Variants in CCDC175 observed in about 807,000 individuals in gnomAD.
CCDC175 encodes the protein coiled-coil domain containing 175.
CCDC175 carries 100 observed loss-of-function variants against 114.6 expected under a neutral mutation model. The ratio of observed to expected loss-of-function variants is 0.87; its 90% CI spans 0.74 to 1.03. The LOEUF (loss-of-function observed/expected upper bound fraction) is 1.03, where lower values mean the gene tolerates loss of function less well. CCDC175 is among the 50% of genes least tolerant of loss of function. CCDC175 has a pLI of 0.00. For synonymous variants in CCDC175, 306 were observed against 308.7 expected, an observed-to-expected ratio of 0.99 and a Z score of 0.09; for missense variants, 880 against 917.8, an observed-to-expected ratio of 0.96 and a Z score of 0.53.
intron 16 of CCDC175, 24 bp from the exon 17 acceptor site, chr14:59,521,700 G>T (rs1470352825): frequency 1.6e-6 from 2 of 1,288,940 alleles, no homozygotes; most frequent in East Asian, 2.5e-5. Context: ...GCATGTGATT[G>T]CTTTTAGCAG....
chr14:59,525,226 C>T, intron 16 of CCDC175, 56 bp downstream of exon 16: 1 of 1,198,246 alleles, frequency 8.3e-7, no homozygotes, highest in Non-Finnish European at 1.1e-6. Context: ...ATAACTATTA[C>T]AGGTCTAGTC....
intron 17 of CCDC175, 118 bp downstream of exon 17, chr14:59,521,456 C>A (rs1018995765): frequency 8.3e-6 from 5 of 604,696 alleles, no homozygotes; most frequent in African/African-American, 7.6e-5. Flanking sequence ...TGGGACTTTA[C>A]CTTGTGATCA....
At chr14:59,521,132 CTG>C in intron 17 of CCDC175, among the ~76,000 whole-genome samples, 1 of 152,260 alleles carries the variant, frequency 6.6e-6, no homozygotes, top group South Asian at 2.1e-4. Context: ...ACATTTGAGT[CTG>C]TGGATTGGGA....
intron 11 of CCDC175, among the ~76,000 whole-genome samples, chr14:59,540,294 A>G (rs2140035008): frequency 6.6e-6 from 1 of 152,260 alleles, no homozygotes; most frequent in East Asian, 1.9e-4. Flanking sequence ...TCACAGAGCT[A>G]ATAAGGACAG....
At chr14:59,552,252 T>C (rs1311171404) in intron 7 of CCDC175, among the ~76,000 whole-genome samples, 2 of 152,134 alleles carry the variant, frequency 1.3e-5, no homozygotes, top group Non-Finnish European at 2.9e-5. Flanking sequence ...ACTGGCCGGG[T>C]ACACCTCTGA....
intron 16 of CCDC175, 41 bp from the exon 17 acceptor site, chr14:59,521,717 T>C: frequency 2.7e-6 from 3 of 1,098,766 alleles, no homozygotes; most frequent in Non-Finnish European, 4.0e-6. Context: ...GCAGTTTAGT[T>C]ACTATAGATA....
At chr14:59,555,350 C>T (rs1013698455) in intron 7 of CCDC175, among the ~76,000 whole-genome samples, 3 of 152,124 alleles carry the variant, frequency 2.0e-5, no homozygotes, top group Admixed American at 6.6e-5. Flanking sequence ...ATAAACAGAA[C>T]CAAAGCAAAA....
At chr14:59,509,730 G>C (rs533050122) in intron 19 of CCDC175, among the ~76,000 whole-genome samples, 1 of 152,138 alleles carries the variant, frequency 6.6e-6, no homozygotes, top group African/African-American at 2.4e-5. Flanking sequence ...GGCTGGTCTC[G>C]AACACTTGGT....
chr14:59,518,815 T>G (rs1273214014), intron 17 of CCDC175, among the ~76,000 whole-genome samples: 1 of 152,160 alleles, frequency 6.6e-6, no homozygotes, highest in Middle Eastern at 3.2e-3. Context: ...ATCCCATTAC[T>G]GGGTATATAC....
chr14:59,554,705 T>G (rs1170913765), intron 7 of CCDC175, among the ~76,000 whole-genome samples: 1 of 151,678 alleles, frequency 6.6e-6, no homozygotes, highest in Non-Finnish European at 1.5e-5. Flanking sequence ...TCAACAAAAT[T>G]GATAGACTGC....
At chr14:59,547,267 C>T (rs772847716) in intron 8 of CCDC175, among the ~76,000 whole-genome samples, 7 of 152,150 alleles carry the variant, frequency 4.6e-5, no homozygotes, top group Middle Eastern at 3.2e-3. Flanking sequence ...GCCATGTTAA[C>T]GGATTGGAAG....
chr14:59,553,212 G>C (rs1199780584), intron 7 of CCDC175, among the ~76,000 whole-genome samples: 1 of 152,204 alleles, frequency 6.6e-6, no homozygotes, highest in Non-Finnish European at 1.5e-5. Context: ...GGCAGCCAGA[G>C]AGAAAGGTTG....
intron 19 of CCDC175, among the ~76,000 whole-genome samples, chr14:59,509,032 T>A (rs550996785): frequency 1.3e-5 from 2 of 152,282 alleles, no homozygotes; most frequent in South Asian, 4.1e-4. Context: ...ACACTGCCAG[T>A]CTCTACTTGT....
intron 19 of CCDC175, among the ~76,000 whole-genome samples, chr14:59,509,695 A>T (rs1401823458): frequency 1.3e-5 from 2 of 152,102 alleles, no homozygotes; most frequent in East Asian, 3.9e-4. Context: ...ATTTTTGTAG[A>T]GACAGGGTCT....
At chr14:59,509,700 G>A (rs866523266) in intron 19 of CCDC175, among the ~76,000 whole-genome samples, 6 of 152,062 alleles carry the variant, frequency 3.9e-5, no homozygotes, top group African/African-American at 9.7e-5. Context: ...TGTAGAGACA[G>A]GGTCTCATTA....
intron 13 of CCDC175, 63 bp downstream of exon 13, chr14:59,537,960 A>T: frequency 5.2e-5 from 44 of 846,422 alleles, no homozygotes; most frequent in Middle Eastern, 7.2e-4. Context: ...AGCATGAAAT[A>T]TTATTCCCCC....
chr14:59,565,576 G>A (rs1454705981), intron 4 of CCDC175, among the ~76,000 whole-genome samples: 5 of 151,920 alleles, frequency 3.3e-5, no homozygotes, highest in Admixed American at 6.6e-5. Flanking sequence ...GGATGGTGGC[G>A]TGCTCCTGTA....
intron 1 of CCDC175, 76 bp from the exon 2 acceptor site, chr14:59,575,104 A>C (rs1434648629): frequency 6.8e-6 from 5 of 733,832 alleles, no homozygotes; most frequent in Non-Finnish European, 8.6e-6. Flanking sequence ...GATCTAGCTC[A>C]AATGCTTACT....
chr14:59,520,106 T>C (rs762262042), intron 17 of CCDC175, among the ~76,000 whole-genome samples: 1 of 152,250 alleles, frequency 6.6e-6, no homozygotes, highest in Non-Finnish European at 1.5e-5. Flanking sequence ...TGCCATTTTG[T>C]GAGCAAAGTA....
Sources: allele counts gnomAD v4.1 joint callset (sites outside exome capture counted in the v4.1 genomes callset), GRCh38; gene constraint gnomAD v4.1.1; transcripts MANE v1.5; gene names NCBI Gene and HGNC (gene_info 2026-07-23, HGNC 2026-07-21).